SH3GL3: variants seen among roughly 807,000 people sequenced by gnomAD.
The protein encoded by SH3GL3 is SH3 domain containing GRB2 like 3, endophilin A3.
In SH3GL3, 33 loss-of-function variants were observed where a neutral mutation model predicts 47.7. That is an observed-to-expected ratio of 0.69 (90% CI 0.52 to 0.92). SH3GL3 has a LOEUF of 0.92. SH3GL3 is among the 40% of genes least tolerant of loss of function. The pLI, the probability that SH3GL3 is intolerant of heterozygous loss-of-function variation, is 0.00. For synonymous variants in SH3GL3, 155 were observed against 148.8 expected (o/e 1.04, Z -0.30); for missense variants, 363 against 417.8 (o/e 0.87, Z 1.14).
intron 8 of SH3GL3, among the ~76,000 whole-genome samples, chr15:83,608,865 T>G (rs1407154600): frequency 6.6e-6 from 1 of 151,942 alleles, no homozygotes; most frequent in Non-Finnish European, 1.5e-5. Flanking sequence ...GGGGTCCCAT[T>G]CCTGACTGGG....
At chr15:83,620,357 A>G (rs2151856896), downstream of SH3GL3, among the ~76,000 whole-genome samples, 1 of 152,354 alleles carries the variant, frequency 6.6e-6, no homozygotes, top group African/African-American at 2.4e-5. Flanking sequence ...AGATCCATCA[A>G]TAGAATCACT....
At position 83,582,556 on chromosome 15, in the gene SH3GL3, A is replaced by G. The variant is rs186756080; in HGVS notation, c.625-4427A>G. On this transcript the variant is annotated intron_variant, in intron 6 of 8. Coordinates refer to ENST00000427482, the MANE Select transcript of SH3GL3 (RefSeq NM_003027.5). The stretch of plus-strand genomic sequence containing the variant: ...TCAGAGTCTTTATTTGACAGTATGA[A>G]AGATTAATCTCTAAGCGGTTCCTAA... Among the ~76,000 whole-genome samples the G allele has an allele frequency of 1.7e-3, 258 of 152,352 alleles. 1 individual carries two copies. Among genetic ancestry groups the G allele is most frequent in the African/African-American group, 3.6e-3 (150 of 41,592 alleles).
chr15:83,631,248 T>C, the SH3GL3 span, among the ~76,000 whole-genome samples: 2 of 152,206 alleles, frequency 1.3e-5, no homozygotes, highest in African/African-American at 4.8e-5. Flanking sequence ...GCACCCCTCC[T>C]GGCTACTTTC....
intron 1 of SH3GL3, among the ~76,000 whole-genome samples, chr15:83,509,500 A>G (rs2042656704): frequency 6.6e-6 from 1 of 152,232 alleles, no homozygotes; most frequent in Admixed American, 6.5e-5. Flanking sequence ...ATTGCTCAAT[A>G]GTGGGAGAAA....
intron 1 of SH3GL3, among the ~76,000 whole-genome samples, chr15:83,500,331 G>A (rs991645256): frequency 6.6e-6 from 1 of 152,220 alleles, no homozygotes; most frequent in African/African-American, 2.4e-5. Flanking sequence ...TATATTGATA[G>A]TAATAAGCTT....
chr15:83,579,758 A>G (rs1477003533), intron 6 of SH3GL3, among the ~76,000 whole-genome samples: 1 of 152,108 alleles, frequency 6.6e-6, no homozygotes, highest in Admixed American at 6.5e-5. Flanking sequence ...GGAGACTCAG[A>G]GATGATTGTT....
chr15:83,554,650 A>G (rs1402526766), intron 1 of SH3GL3, among the ~76,000 whole-genome samples: 2 of 152,064 alleles, frequency 1.3e-5, no homozygotes, highest in African/African-American at 4.8e-5. Context: ...AACCTCCCAA[A>G]GTGCTGGGAT....
Position 83,497,603 on chromosome 15 carries a change from C to T in SH3GL3, c.45+50025C>T, listed in dbSNP as rs118108953. 5.5e-3 allele frequency among the ~76,000 whole-genome samples: 837 copies of T among 152,278 alleles called. 2 individuals carry two copies. Among genetic ancestry groups the T allele is most frequent in the Non-Finnish European group, 9.5e-3 (645 of 68,026 alleles). Reference sequence around the variant, plus strand: ...AAGCAAGTTGGCCTCTTGTTTAAATCCTTCCCTTGACTCTCTCTCCCCTTA... The same window carrying T: ...AAGCAAGTTGGCCTCTTGTTTAAATTCTTCCCTTGACTCTCTCTCCCCTTA... On this transcript the variant is annotated intron_variant, in intron 1 of 8. Coordinates refer to ENST00000427482, the MANE Select transcript of SH3GL3 (RefSeq NM_003027.5).
chr15:83,584,142 C>T lies in SH3GL3; in HGVS notation c.625-2841C>T, dbSNP rs1360437449. Among the ~76,000 whole-genome samples the T allele has an allele frequency of 2.6e-5, 4 of 152,292 alleles. No homozygotes were observed. In the East Asian group the frequency reaches 7.7e-4, roughly 29 times the overall value. On this transcript the variant is annotated intron_variant, in intron 6 of 8. Transcript: ENST00000427482. ...TCTTGAGGAAGAAGCTGCTTCTTTG[C>T]CTTTTCCAGCTTCTACAGGCCACCT...
At chr15:83,529,682 G>T (rs1449775674) in intron 1 of SH3GL3, among the ~76,000 whole-genome samples, 1 of 137,822 alleles carries the variant, frequency 7.3e-6, no homozygotes, top group Non-Finnish European at 1.6e-5. Flanking sequence ...CCAAGGTGCA[G>T]ATAAGTGCGC....
chr15:83,618,484 T>G lies in SH3GL3; in HGVS notation c.*197T>G. On this transcript the variant is annotated 3_prime_UTR_variant, in exon 9 of 9. Coordinates refer to ENST00000427482, the MANE Select transcript of SH3GL3 (RefSeq NM_003027.5). ...TCTTGTCCTTGCTACATGAAAATAT[T>G]TTCTTTTTTGCTTCCTGTCCTAAAA... The G allele has an allele frequency of 3.6e-6, 2 of 559,518 alleles. No homozygotes were observed. The highest frequency in any genetic ancestry group is 4.7e-5 in the South Asian group (2 of 42,984). The allele number at this position is 559,518 out of a possible 1,614,324, so 34.7% of individuals were successfully genotyped here.
intron 4 of SH3GL3, among the ~76,000 whole-genome samples, chr15:83,570,311 A>G (rs957148463): frequency 2.6e-5 from 4 of 152,156 alleles, no homozygotes; most frequent in African/African-American, 9.6e-5. Context: ...AAATTATTAT[A>G]CATTAAATTT....
intron 1 of SH3GL3, among the ~76,000 whole-genome samples, chr15:83,492,163 A>G (rs1189195550): frequency 1.3e-5 from 2 of 151,678 alleles, no homozygotes; most frequent in Non-Finnish European, 2.9e-5. Context: ...TGCGCCTGTA[A>G]TCCCAGCTAC....
At chr15:83,465,430 C>T (rs1486618326) in intron 1 of SH3GL3, among the ~76,000 whole-genome samples, 1 of 152,028 alleles carries the variant, frequency 6.6e-6, no homozygotes, top group Non-Finnish European at 1.5e-5. Flanking sequence ...TAAGCTTCCT[C>T]TTCGGGCCTG....
chr15:83,553,575 G>C (rs971744716), intron 1 of SH3GL3, among the ~76,000 whole-genome samples: 4 of 152,070 alleles, frequency 2.6e-5, no homozygotes, highest in African/African-American at 9.7e-5. Flanking sequence ...TGGATACTAT[G>C]TTATAACATG....
intron 8 of SH3GL3, among the ~76,000 whole-genome samples, chr15:83,603,471 C>T (rs1460604547): frequency 6.6e-6 from 1 of 152,212 alleles, no homozygotes; most frequent in African/African-American, 2.4e-5. Context: ...CCACCTGAAA[C>T]AGCAGATTTG....
At chr15:83,511,733 C>T (rs959243312) in intron 1 of SH3GL3, among the ~76,000 whole-genome samples, 1 of 152,140 alleles carries the variant, frequency 6.6e-6, no homozygotes, top group Admixed American at 6.6e-5. Flanking sequence ...TCTCTCTTTT[C>T]TCTCTCCCAG....
downstream of SH3GL3, among the ~76,000 whole-genome samples, chr15:83,623,519 G>T (rs1329135691): frequency 1.3e-5 from 2 of 152,244 alleles, no homozygotes; most frequent in African/African-American, 2.4e-5. Flanking sequence ...AGGCCAAAAT[G>T]CTTTCTCAAG....
intron 8 of SH3GL3, among the ~76,000 whole-genome samples, chr15:83,611,830 C>G (rs1488824458): frequency 6.6e-6 from 1 of 152,130 alleles, no homozygotes; most frequent in Non-Finnish European, 1.5e-5. Context: ...GGAAATCCAG[C>G]CCATTCTGCC....
Sources: gnomAD v4.1 joint callset for allele counts (sites outside exome capture counted in the v4.1 genomes callset) on GRCh38, gnomAD v4.1.1 for gene constraint, MANE v1.5 for transcripts, NCBI Gene and HGNC (gene_info 2026-07-23, HGNC 2026-07-21) for gene names.